PRKAR2B: variants seen among roughly 807,000 people sequenced by gnomAD.
The protein encoded by PRKAR2B is cAMP-dependent protein kinase type II-beta regulatory subunit.
A neutral mutation model predicts 49.9 loss-of-function variants in PRKAR2B; 14 were observed. That is an observed-to-expected ratio of 0.28 (90% CI 0.19 to 0.44). The LOEUF is 0.44. PRKAR2B is among the 20% of genes least tolerant of loss of function. The probability of loss-of-function intolerance (pLI) is 1.00; values close to 1 mark genes in which losing one functional copy is unlikely to be tolerated. For synonymous variants in PRKAR2B, 196 were observed against 197.7 expected, an observed-to-expected ratio of 0.99 and a Z score of 0.07; for missense variants, 393 against 537.9, an observed-to-expected ratio of 0.73 and a Z score of 2.67.
chr7:107,119,129 G>T (rs566844188), intron 2 of PRKAR2B, among the ~76,000 whole-genome samples: 15 of 152,272 alleles, frequency 9.9e-5, no homozygotes, highest in Admixed American at 4.6e-4. Flanking sequence ...AGGACTTAGG[G>T]GCTAGGCACT....
At chr7:107,082,519 A>G (rs529358597) in intron 2 of PRKAR2B, among the ~76,000 whole-genome samples, 2 of 152,236 alleles carry the variant, frequency 1.3e-5, no homozygotes, top group Non-Finnish European at 2.9e-5. Context: ...ATAAATAAGC[A>G]TTCATGTTAT....
chr7:107,141,077 A>G (rs983519677), intron 5 of PRKAR2B, 124 bp downstream of exon 5: 4 of 635,200 alleles, frequency 6.3e-6, no homozygotes, highest in Admixed American at 3.1e-5. Flanking sequence ...TTATTATTAC[A>G]TAATAGGCAC....
chr7:107,093,128 G>A (rs1371823284), intron 2 of PRKAR2B, among the ~76,000 whole-genome samples: 2 of 152,140 alleles, frequency 1.3e-5, no homozygotes, highest in Middle Eastern at 3.2e-3. Context: ...TCTGTTGATG[G>A]ACACTTGGGT....
At chr7:107,090,019 C>T (rs927401438) in intron 2 of PRKAR2B, among the ~76,000 whole-genome samples, 3 of 152,092 alleles carry the variant, frequency 2.0e-5, no homozygotes, top group Admixed American at 6.6e-5. Context: ...TCTTGTTTTC[C>T]TTGTCATGAT....
chr7:107,089,237 A>G lies in PRKAR2B; in HGVS notation c.343+18921A>G, dbSNP rs544873619. 3.3e-5 allele frequency among the ~76,000 whole-genome samples: 5 copies of G among 152,290 alleles called. No individual in the cohort carries two copies. In the South Asian group the frequency reaches 8.3e-4, roughly 25 times the overall value. On this transcript the variant is annotated intron_variant, in intron 2 of 10. Transcript: ENST00000265717. ...AAATTGAGATTCATAATACTTAGCA[A>G]TGTGTAAAGGTCATATAATAAGTGG... is the stretch of plus-strand genomic sequence containing the variant.
chr7:107,122,145 T>G (rs1044904419), intron 3 of PRKAR2B, 141 bp downstream of exon 3: 4 of 480,608 alleles, frequency 8.3e-6, no homozygotes. Context: ...TTTCCTAGTC[T>G]CATCTCCAAT....
At chr7:107,050,889 T>C (rs1333406686) in intron 1 of PRKAR2B, among the ~76,000 whole-genome samples, 2 of 152,170 alleles carry the variant, frequency 1.3e-5, no homozygotes, top group Admixed American at 1.3e-4. Context: ...TAGAGATGGG[T>C]CTTCCTTTCT....
intron 2 of PRKAR2B, among the ~76,000 whole-genome samples, chr7:107,075,187 C>T (rs995011489): frequency 2.0e-5 from 3 of 151,750 alleles, no homozygotes; most frequent in Admixed American, 6.6e-5. Context: ...ACTGCAACCT[C>T]TGCCTCTTGG....
chr7:107,056,084 A>G (rs1032877471), intron 1 of PRKAR2B, among the ~76,000 whole-genome samples: 3 of 152,292 alleles, frequency 2.0e-5, no homozygotes, highest in Admixed American at 6.5e-5. Flanking sequence ...TCCTTTCCCC[A>G]TTGCTTGTTT....
intron 2 of PRKAR2B, among the ~76,000 whole-genome samples, chr7:107,090,118 AG>A (rs1281786458): frequency 6.6e-6 from 1 of 152,154 alleles, no homozygotes; most frequent in Non-Finnish European, 1.5e-5. Flanking sequence ...TCAAGTGAAA[AG>A]GGGGTTTATT....
At chr7:107,090,182 G>T (rs889537795) in intron 2 of PRKAR2B, among the ~76,000 whole-genome samples, 4 of 152,166 alleles carry the variant, frequency 2.6e-5, no homozygotes, top group Admixed American at 2.6e-4. Context: ...AAGGGTAGGG[G>T]TGCAGTTGGA....
chr7:107,090,575 A>C (rs1212536609), intron 2 of PRKAR2B, among the ~76,000 whole-genome samples: 1 of 152,204 alleles, frequency 6.6e-6, no homozygotes, highest in Non-Finnish European at 1.5e-5. Context: ...GGCTGCCCTG[A>C]AGAAGCCCTC....
At chr7:107,123,982 ATTT>A (rs1795436408) in intron 3 of PRKAR2B, among the ~76,000 whole-genome samples, 1 of 152,196 alleles carries the variant, frequency 6.6e-6, no homozygotes, top group Non-Finnish European at 1.5e-5. Context: ...ATTATTACAG[ATTT>A]CAAAATTATT....
intron 1 of PRKAR2B, among the ~76,000 whole-genome samples, chr7:107,051,584 T>G (rs1206527018): frequency 2.0e-5 from 3 of 152,232 alleles, no homozygotes; most frequent in Non-Finnish European, 4.4e-5. Flanking sequence ...GGTTTCATTA[T>G]GTAATTTTAT....
At chr7:107,146,565 C>A in intron 6 of PRKAR2B, 104 bp downstream of exon 6, 2 of 1,276,436 alleles carry the variant, frequency 1.6e-6, no homozygotes, top group Non-Finnish European at 2.1e-6. Context: ...GATCATCAGT[C>A]ATCAGGTAAT....
intron 2 of PRKAR2B, among the ~76,000 whole-genome samples, chr7:107,102,129 C>A (rs1278100027): frequency 6.6e-6 from 1 of 152,078 alleles, no homozygotes; most frequent in South Asian, 2.1e-4. Flanking sequence ...TTGCTTAAAC[C>A]TGGAGGGGCA....
chr7:107,096,157 A>G (rs559940395), intron 2 of PRKAR2B, among the ~76,000 whole-genome samples: 2 of 152,294 alleles, frequency 1.3e-5, no homozygotes, highest in African/African-American at 4.8e-5. Context: ...TTAGTAGGCT[A>G]TTAATTGTTG....
intron 1 of PRKAR2B, among the ~76,000 whole-genome samples, chr7:107,052,495 T>C (rs1216862534): frequency 6.6e-6 from 1 of 152,228 alleles, no homozygotes; most frequent in Admixed American, 6.5e-5. Context: ...GTATCAGATG[T>C]GGAACAGTGC....
chr7:107,078,159 C>T (rs1169792914), intron 2 of PRKAR2B: 1 of 145,716 alleles, frequency 6.9e-6, no homozygotes, highest in Non-Finnish European at 1.5e-5. Flanking sequence ...CAAGATTGCA[C>T]CACTGTACAC....
Sources: gnomAD v4.1 joint callset for allele counts (sites outside exome capture counted in the v4.1 genomes callset) on GRCh38, gnomAD v4.1.1 for gene constraint, MANE v1.5 for transcripts, NCBI Gene and HGNC (gene_info 2026-07-23, HGNC 2026-07-21) for gene names.